Variants in DSP observed in about 807,000 individuals in gnomAD.
DSP encodes the protein desmoplakin, also known as 250/210 kDa paraneoplastic pemphigus antigen.
Under a neutral mutation model 290.6 loss-of-function variants are expected in DSP, and 114 were observed. That is an observed-to-expected ratio of 0.39 (90% CI 0.34 to 0.46). DSP has a LOEUF of 0.46. Among genes scored for constraint, DSP ranks in the 20% least tolerant of loss-of-function variants. The pLI is 0.99. For missense variants in DSP, 3,230 were observed against 3,495.8 expected, an observed-to-expected ratio of 0.92 and a Z score of 1.92; for synonymous variants, 1,311 against 1,316.4, an observed-to-expected ratio of 1.00 and a Z score of 0.09.
At chr6:7,558,854 C>G (rs936509165) in intron 3 of DSP, among the ~76,000 whole-genome samples, 1 of 151,958 alleles carries the variant, frequency 6.6e-6, no homozygotes, top group South Asian at 2.1e-4. Flanking sequence ...AAAAATGAGA[C>G]CCTTAGAGTT....
intron 1 of DSP, among the ~76,000 whole-genome samples, chr6:7,545,224 C>T (rs939977832): frequency 6.6e-6 from 1 of 152,170 alleles, no homozygotes; most frequent in African/African-American, 2.4e-5. Flanking sequence ...ATTTCATATA[C>T]ATTTTAAAGT....
chr6:7,574,235 A>C lies in DSP; in HGVS notation c.2280A>C (p.Thr760=), dbSNP rs1375561193. ...AACTGGAAAATATCAATGGTGTTAC[A>C]GATGGCTACTTAAATAGGTAAACTC... The part of the protein sequence containing the change: ...FQKLENINGV[T]DGYLNSLCTV... The change falls in exon 16 of 24, where the codon ACA becomes ACC. Residue 760 remains threonine (T), a synonymous_variant. Coordinates refer to ENST00000379802, the MANE Select transcript of DSP (RefSeq NM_004415.4). The C allele has an allele frequency of 6.8e-6, 11 of 1,613,764 alleles. No homozygotes were observed. The highest frequency in any genetic ancestry group is 9.3e-6 in the Non-Finnish European group (11 of 1,179,930).
chr6:7,545,737 T>C lies in DSP; in HGVS notation c.170+3652T>C, dbSNP rs185067999. ...CTTCACAAGGAGGTGAGAGAACATC[T>C]GTCGTGGGGGCACTGGGAAGACTTT... On this transcript the variant is annotated intron_variant, in intron 1 of 23. Coordinates refer to ENST00000379802, the MANE Select transcript of DSP (RefSeq NM_004415.4). Among the ~76,000 whole-genome samples the C allele has an allele frequency of 1.5e-3, 228 of 152,318 alleles. 3 individuals are homozygous for C. Among genetic ancestry groups the C allele is most frequent in the Admixed American group, 3.1e-3 (48 of 15,308 alleles).
chr6:7,567,547 T>C (rs1378340788), intron 9 of DSP, 98 bp downstream of exon 9: 1 of 1,250,032 alleles, frequency 8.0e-7, no homozygotes, highest in African/African-American at 1.5e-5. Context: ...TTCAAAATGT[T>C]GCATAAATCC....
At chr6:7,542,341 G>C (rs888796246) in intron 1 of DSP, among the ~76,000 whole-genome samples, 1 of 152,182 alleles carries the variant, frequency 6.6e-6, no homozygotes, top group African/African-American at 2.4e-5. Context: ...GGTGGTCAGA[G>C]GGGGCGTCGG....
chr6:7,542,835 T>C (rs557883344), intron 1 of DSP, among the ~76,000 whole-genome samples: 1 of 152,274 alleles, frequency 6.6e-6, no homozygotes, highest in African/African-American at 2.4e-5. Context: ...CTGAGCCTTT[T>C]GTTTCCTCCT....
At chr6:7,552,354 G>C (rs1048121730) in intron 1 of DSP, among the ~76,000 whole-genome samples, 9 of 151,468 alleles carry the variant, frequency 5.9e-5, no homozygotes, top group Non-Finnish European at 1.2e-4. Context: ...TCAGGAGTTT[G>C]AGACCAGCCT....
intron 18 of DSP, among the ~76,000 whole-genome samples, chr6:7,575,887 G>C (rs188126233): frequency 6.6e-6 from 1 of 152,292 alleles, no homozygotes; most frequent in Admixed American, 6.5e-5. Context: ...AAAATCTCTG[G>C]AATATGAATC....
At chr6:7,559,735 T>C (rs554351575) in intron 4 of DSP, among the ~76,000 whole-genome samples, 1 of 152,352 alleles carries the variant, frequency 6.6e-6, no homozygotes, top group Non-Finnish European at 1.5e-5. Context: ...GTTTATGTGC[T>C]AAATAACTTC....
chr6:7,550,476 C>G (rs956195545), intron 1 of DSP, among the ~76,000 whole-genome samples: 3 of 151,944 alleles, frequency 2.0e-5, no homozygotes, highest in African/African-American at 7.3e-5. Flanking sequence ...TAAAATAAAA[C>G]CTTGAAATCT....
chr6:7,544,904 A>T (rs914728510), intron 1 of DSP, among the ~76,000 whole-genome samples: 3 of 152,198 alleles, frequency 2.0e-5, no homozygotes, highest in Non-Finnish European at 4.4e-5. Context: ...GAAATAATAG[A>T]CATGTACATG....
At chr6:7,561,848 C>T (rs1758703033) in intron 4 of DSP, among the ~76,000 whole-genome samples, 1 of 152,166 alleles carries the variant, frequency 6.6e-6, no homozygotes, top group Non-Finnish European at 1.5e-5. Context: ...AGAGATGACA[C>T]AGGTGATTTG....
chr6:7,570,617 G>A lies in DSP; in HGVS notation c.1701+54G>A, dbSNP rs79083795. On this transcript the variant is annotated intron_variant, in intron 13 of 23. Coordinates refer to ENST00000379802, the MANE Select transcript of DSP (RefSeq NM_004415.4). ...TGGAGGGAGGGCAGCGCTGCCCCCC[G>A]CAGTGCCTGTGTCCAACAGTTCAAC... is the stretch of plus-strand genomic sequence containing the variant. 1.6e-3 allele frequency: 2,549 copies of A among 1,608,810 alleles called. 35 individuals carry two copies. The African/African-American group carries it at 0.022, about 14-fold the overall frequency.
chr6:7,557,648 C>T (rs561934820), intron 2 of DSP, among the ~76,000 whole-genome samples: 1 of 152,220 alleles, frequency 6.6e-6, no homozygotes, highest in South Asian at 2.1e-4. Flanking sequence ...CCACTGCACT[C>T]TAGCCTGGGC....
At chr6:7,554,308 C>T (rs957129163) in intron 1 of DSP, among the ~76,000 whole-genome samples, 5 of 152,170 alleles carry the variant, frequency 3.3e-5, no homozygotes, top group Non-Finnish European at 5.9e-5. Flanking sequence ...CATAATATAT[C>T]TTGGTAAATT....
chr6:7,579,579 A>T lies in DSP; in HGVS notation c.3389A>T (p.Asp1130Val). ...DEKRRRKSVE[D>V]RFDQQKNDYD... ...AAGAGAAGAAGAAAATCTGTGGAAG[A>T]CAGATTTGACCAACAGAAGAATGAC... Residue 1130 changes from aspartate (D) to valine (V), a missense_variant, in exon 23 of 24, where the codon GAC becomes GTC. Physicochemically the swap from Asp to Val is radical, Grantham distance 152 (BLOSUM62 -3). Coordinates refer to ENST00000379802, the MANE Select transcript of DSP (RefSeq NM_004415.4). This position sits in a 1 kb window ranked among gnomAD's most constrained non-coding sequence, Gnocchi z 4.1. 1 of 1,613,994 alleles carries T rather than the reference A, an allele frequency of 6.2e-7. No homozygotes were observed. Among genetic ancestry groups the T allele is most frequent in the Non-Finnish European group, 8.5e-7 (1 of 1,180,034 alleles).
At chr6:7,552,662 GTT>G (rs67361560) in intron 1 of DSP, among the ~76,000 whole-genome samples, 4 of 109,462 alleles carry the variant, frequency 3.7e-5, no homozygotes, top group Non-Finnish European at 3.9e-5. Flanking sequence ...GTTACCTGTT[GTT>G]TTTTTTTTTT....
At chr6:7,566,048 A>G (rs941135585) in intron 7 of DSP, among the ~76,000 whole-genome samples, 1 of 152,182 alleles carries the variant, frequency 6.6e-6, no homozygotes, top group Non-Finnish European at 1.5e-5. Flanking sequence ...TTGTTTAGAG[A>G]GGATAAGAAC....
rs794728142 is a variant in DSP, at chr6:7,579,920, AG to A, written c.3733del (p.Glu1245LysfsTer5). On this transcript the variant is annotated frameshift_variant, in exon 23 of 24. Transcript: ENST00000379802. LOFTEE classifies it high-confidence loss of function. This position sits in a 1 kb window ranked among gnomAD's most constrained non-coding sequence, Gnocchi z 4.1. ...TAGAAACCAGCTTGATAGACTTTCAAGGGAAAATCGAGATCTGAAGGATGAA... is the reference window on the plus strand; with the variant it reads ...TAGAAACCAGCTTGATAGACTTTCAAGGAAAATCGAGATCTGAAGGATGAA... The part of the protein sequence containing the change: ...NLRNQLDRLS[R>X]ENRDLKDEIV... The A allele has an allele frequency of 1.9e-6, 3 of 1,614,182 alleles. No individual in the cohort carries two copies. The highest frequency in any genetic ancestry group is 2.5e-6 in the Non-Finnish European group (3 of 1,180,024).
Sources: allele counts gnomAD v4.1 joint callset (sites outside exome capture counted in the v4.1 genomes callset), GRCh38; gene constraint gnomAD v4.1.1; non-coding constraint Gnocchi (gnomAD v3.1); transcripts MANE v1.5; gene names NCBI Gene and HGNC (gene_info 2026-07-23, HGNC 2026-07-21).